The following TENM2 variants were observed in gnomAD, a reference collection of about 807,000 sequenced individuals.
TENM2 encodes teneurin transmembrane protein 2.
Under a neutral mutation model 245.2 loss-of-function variants are expected in TENM2, and 52 were observed. The observed-to-expected ratio is 0.21, with a 90% CI of 0.17 to 0.27. The LOEUF is 0.27. Among genes scored for constraint, TENM2 ranks in the 10% least tolerant of loss-of-function variants. The probability of loss-of-function intolerance (pLI) is 1.00; values close to 1 mark genes in which losing one functional copy is unlikely to be tolerated. For synonymous variants in TENM2, 1,363 were observed against 1,438.9 expected (o/e 0.95, Z 1.19); for missense variants, 3,046 against 3,666.8 (o/e 0.83, Z 4.37).
At chr5:166,995,643 C>T in the TENM2 span, among the ~76,000 whole-genome samples, 544 of 151,354 alleles carry the variant, frequency 3.6e-3, 1 homozygote, top group Non-Finnish European at 5.8e-3. Context: ...TGGTGAAACC[C>T]CATCTCTACT....
intron 2 of TENM2, among the ~76,000 whole-genome samples, chr5:167,635,933 A>C (rs188527871): frequency 0.042 from 6,020 of 144,352 alleles, 5 homozygotes; most frequent in South Asian, 0.064. Context: ...CGTGAGTCAC[A>C]GCGCCCGGCC....
chr5:167,066,348 G>T, the TENM2 span, among the ~76,000 whole-genome samples: 1 of 152,122 alleles, frequency 6.6e-6, no homozygotes, highest in Non-Finnish European at 1.5e-5. Flanking sequence ...CCATGGGTTA[G>T]TTCCTATCCA....
chr5:167,144,127 G>A, the TENM2 span, among the ~76,000 whole-genome samples: 1 of 151,912 alleles, frequency 6.6e-6, no homozygotes, highest in South Asian at 2.1e-4. Context: ...CGGGTGTGAC[G>A]TAAACATCTC....
At chr5:168,014,552 T>C (rs1475894112) in intron 5 of TENM2, among the ~76,000 whole-genome samples, 1 of 152,142 alleles carries the variant, frequency 6.6e-6, no homozygotes, top group African/African-American at 2.4e-5. Context: ...AAAAAAAAAT[T>C]TTTCCACAAA....
chr5:167,722,588 A>G (rs1433409375), intron 2 of TENM2, among the ~76,000 whole-genome samples: 1 of 152,126 alleles, frequency 6.6e-6, no homozygotes, highest in Non-Finnish European at 1.5e-5. Flanking sequence ...ATCCTGGCCA[A>G]CATGGTGAAA....
intron 4 of TENM2, among the ~76,000 whole-genome samples, chr5:167,966,487 T>C (rs1183736638): frequency 6.6e-6 from 1 of 152,164 alleles, no homozygotes; most frequent in Non-Finnish European, 1.5e-5. Context: ...CTAATTTTGG[T>C]GTCAGAATTT....
intron 2 of TENM2, among the ~76,000 whole-genome samples, chr5:167,573,685 C>T (rs920364256): frequency 8.6e-5 from 13 of 152,006 alleles, no homozygotes; most frequent in Non-Finnish European, 1.5e-4. Context: ...GTGCTTTCGC[C>T]AGGCAGCAGC....
At chr5:167,605,221 T>C (rs1776945340) in intron 2 of TENM2, among the ~76,000 whole-genome samples, 1 of 152,196 alleles carries the variant, frequency 6.6e-6, no homozygotes, top group Non-Finnish European at 1.5e-5. Flanking sequence ...TCTATGTTCA[T>C]TTTTATTTTT....
At chr5:168,143,594 T>A (rs1755752153) in intron 12 of TENM2, among the ~76,000 whole-genome samples, 1 of 152,100 alleles carries the variant, frequency 6.6e-6, no homozygotes, top group African/African-American at 2.4e-5. Context: ...AGTGGTAAGA[T>A]GAAAATAAAT....
chr5:167,351,026 A>G (rs186942111), intron 1 of TENM2, among the ~76,000 whole-genome samples: 4 of 71,026 alleles, frequency 5.6e-5, no homozygotes, highest in African/African-American at 8.6e-5. Context: ...TATATATGGG[A>G]TATATACATA....
intron 2 of TENM2, among the ~76,000 whole-genome samples, chr5:167,740,018 TG>T: frequency 6.6e-6 from 1 of 152,332 alleles, no homozygotes; most frequent in Admixed American, 6.5e-5. Context: ...AATTAGCAGA[TG>T]CGGGGGTTTC....
chr5:167,540,397 A>G (rs1167292072), intron 2 of TENM2, among the ~76,000 whole-genome samples: 1 of 152,196 alleles, frequency 6.6e-6, no homozygotes, highest in Non-Finnish European at 1.5e-5. Context: ...AATAGGTTTT[A>G]CATTTTTAAA....
At chr5:167,198,445 T>C in the TENM2 span, among the ~76,000 whole-genome samples, 5 of 152,000 alleles carry the variant, frequency 3.3e-5, no homozygotes, top group Admixed American at 2.6e-4. Context: ...CTTTTTCTAC[T>C]CCCCATTACA....
upstream of TENM2, among the ~76,000 whole-genome samples, chr5:167,281,305 C>T (rs556531850): frequency 5.4e-5 from 8 of 149,096 alleles, no homozygotes; most frequent in South Asian, 4.2e-4. Flanking sequence ...TTAGTAGAGA[C>T]GGGATTTCCT....
At chr5:167,546,523 T>G (rs1772571060) in intron 2 of TENM2, among the ~76,000 whole-genome samples, 2 of 152,174 alleles carry the variant, frequency 1.3e-5, no homozygotes, top group African/African-American at 4.8e-5. Flanking sequence ...ACGCTAAGTC[T>G]TTGCTCACTG....
At chr5:166,984,313 T>A in the TENM2 span, among the ~76,000 whole-genome samples, 3 of 152,134 alleles carry the variant, frequency 2.0e-5, no homozygotes, top group Non-Finnish European at 2.9e-5. Flanking sequence ...ATGAAATTGA[T>A]ACTAATGATA....
At chr5:167,140,101 G>A in the TENM2 span, among the ~76,000 whole-genome samples, 1 of 152,054 alleles carries the variant, frequency 6.6e-6, no homozygotes, top group East Asian at 1.9e-4. Flanking sequence ...TAATTCCAAT[G>A]CTGAGTTTGG....
chr5:168,050,824 T>C (rs1278827147), intron 6 of TENM2, among the ~76,000 whole-genome samples: 1 of 152,230 alleles, frequency 6.6e-6, no homozygotes, highest in African/African-American at 2.4e-5. Context: ...CCATTTGTTG[T>C]TGTTCGAGTC....
the TENM2 span, among the ~76,000 whole-genome samples, chr5:167,056,019 A>G: frequency 6.6e-6 from 1 of 152,032 alleles, no homozygotes; most frequent in East Asian, 1.9e-4. Flanking sequence ...AGTTTTCACC[A>G]TTAAACATTA....
Sources: allele counts gnomAD v4.1 joint callset (sites outside exome capture counted in the v4.1 genomes callset), GRCh38; gene constraint gnomAD v4.1.1; transcripts MANE v1.5; gene names NCBI Gene and HGNC (gene_info 2026-07-23, HGNC 2026-07-21).